Variants in NSMCE2 observed in about 807,000 individuals in gnomAD.
The protein encoded by NSMCE2 is E3 SUMO-protein ligase NSE2.
A neutral mutation model predicts 23.8 loss-of-function variants in NSMCE2; 24 were observed. That is an observed-to-expected ratio of 1.01 (90% CI 0.73 to 1.42). The LOEUF (loss-of-function observed/expected upper bound fraction) is 1.42, where lower values mean the gene tolerates loss of function less well. Among genes scored for constraint, NSMCE2 ranks in the 40% most tolerant of loss-of-function variants. The pLI is 0.00. For synonymous variants in NSMCE2, 92 were observed against 94.1 expected, an observed-to-expected ratio of 0.98 and a Z score of 0.13; for missense variants, 284 against 296.5, an observed-to-expected ratio of 0.96 and a Z score of 0.31.
At chr8:125,270,412 C>T (rs532468270) in intron 5 of NSMCE2, among the ~76,000 whole-genome samples, 2 of 152,230 alleles carry the variant, frequency 1.3e-5, no homozygotes, top group South Asian at 4.2e-4. Flanking sequence ...TTGCAGTGAG[C>T]CGAGATCGCA....
chr8:125,156,783 A>G (rs1274581419), intron 4 of NSMCE2, among the ~76,000 whole-genome samples: 1 of 152,188 alleles, frequency 6.6e-6, no homozygotes, highest in African/African-American at 2.4e-5. Flanking sequence ...CAGCTCTCTC[A>G]TTATGCAACT....
intron 5 of NSMCE2, among the ~76,000 whole-genome samples, chr8:125,320,235 GGGAGGGAGGGAGGGAGGGAAGGAA>G (rs1563782549): frequency 1.2e-3 from 41 of 32,892 alleles, no homozygotes; most frequent in African/African-American, 2.4e-3. Flanking sequence ...AGGGAGGGAA[GGGAGGGAGGGAGGGAGGGAAGGAA>G]GGAAGGAAGG....
chr8:125,212,090 C>T (rs1234610594), intron 5 of NSMCE2, among the ~76,000 whole-genome samples: 1 of 152,130 alleles, frequency 6.6e-6, no homozygotes, highest in Non-Finnish European at 1.5e-5. Context: ...CCATTGCTTC[C>T]TAAATATTTT....
intron 5 of NSMCE2, among the ~76,000 whole-genome samples, chr8:125,219,232 G>T (rs1824736678): frequency 6.6e-6 from 1 of 152,148 alleles, no homozygotes; most frequent in South Asian, 2.1e-4. Context: ...TACTTTCAGT[G>T]TTCCAAAGCC....
intron 7 of NSMCE2, among the ~76,000 whole-genome samples, 173 bp from the exon 8 acceptor site, chr8:125,366,595 A>C (rs1323164819): frequency 6.6e-6 from 1 of 152,200 alleles, no homozygotes; most frequent in Non-Finnish European, 1.5e-5. Context: ...CAGCACCCAG[A>C]CAGGGCCTGG....
intron 5 of NSMCE2, among the ~76,000 whole-genome samples, chr8:125,220,729 G>T (rs1824817713): frequency 6.6e-6 from 1 of 151,606 alleles, no homozygotes. Context: ...ACACCCAAAA[G>T]CCCTTTCAGA....
Position 125,210,427 on chromosome 8 carries a change from C to T in NSMCE2, c.418+28171C>T, listed in dbSNP as rs1339625742. Among the ~76,000 whole-genome samples, 8 of 152,280 alleles carry T rather than the reference C, an allele frequency of 5.3e-5. No homozygotes were observed. In the East Asian group the frequency reaches 1.5e-3, roughly 29 times the overall value. On this transcript the variant is annotated intron_variant, in intron 5 of 7. Transcript: ENST00000287437. ...CTCATTGAGGGTGATGACTGAATCT[C>T]ATCAATTTTTATGTCCTCAGCAGCT...
At chr8:125,178,094 C>CT (rs1246991782) in intron 4 of NSMCE2, among the ~76,000 whole-genome samples, 2 of 152,148 alleles carry the variant, frequency 1.3e-5, no homozygotes, top group Non-Finnish European at 2.9e-5. Context: ...AGCAACTGCC[C>CT]TCTCCCTCCC....
intron 4 of NSMCE2, among the ~76,000 whole-genome samples, chr8:125,156,464 G>GT (rs1400103303): frequency 6.6e-6 from 1 of 151,930 alleles, no homozygotes; most frequent in Admixed American, 6.6e-5. Flanking sequence ...CTACATATTT[G>GT]TTTTTTTAAG....
intron 4 of NSMCE2, among the ~76,000 whole-genome samples, 199 bp from the exon 5 acceptor site, chr8:125,181,904 G>A (rs975143681): frequency 6.6e-6 from 1 of 152,140 alleles, no homozygotes; most frequent in Admixed American, 6.5e-5. Context: ...TGAGTAGTTG[G>A]CATGAATGAG....
intron 5 of NSMCE2, among the ~76,000 whole-genome samples, chr8:125,318,354 G>A (rs1304126034): frequency 6.6e-6 from 1 of 152,158 alleles, no homozygotes; most frequent in Non-Finnish European, 1.5e-5. Context: ...GGTAAGCCAA[G>A]ATCGCGCCAC....
At chr8:125,140,664 T>C (rs546132995) in intron 3 of NSMCE2, among the ~76,000 whole-genome samples, 2 of 151,846 alleles carry the variant, frequency 1.3e-5, no homozygotes, top group South Asian at 2.1e-4. Context: ...AAAAAACATA[T>C]GAGATTTAAG....
intron 5 of NSMCE2, among the ~76,000 whole-genome samples, chr8:125,238,582 T>G (rs1825648260): frequency 6.6e-6 from 1 of 152,196 alleles, no homozygotes. Flanking sequence ...TTTTTTTCCT[T>G]TCTTTCCTGT....
At chr8:125,220,223 A>G (rs532957454) in intron 5 of NSMCE2, among the ~76,000 whole-genome samples, 1 of 152,164 alleles carries the variant, frequency 6.6e-6, no homozygotes, top group South Asian at 2.1e-4. Context: ...CTAAAACTAT[A>G]TATATGAGGA....
At chr8:125,176,925 C>T (rs567306248) in intron 4 of NSMCE2, among the ~76,000 whole-genome samples, 2 of 152,318 alleles carry the variant, frequency 1.3e-5, no homozygotes, top group East Asian at 3.9e-4. Flanking sequence ...TGAGTTTCCT[C>T]ATATCCTTGC....
chr8:125,127,763 G>A (rs1819582665), intron 3 of NSMCE2, among the ~76,000 whole-genome samples: 1 of 152,140 alleles, frequency 6.6e-6, no homozygotes, highest in African/African-American at 2.4e-5. Context: ...TTTGGGACCA[G>A]AAGTGTTTCA....
At chr8:125,242,347 T>A (rs952348175) in intron 5 of NSMCE2, among the ~76,000 whole-genome samples, 2 of 151,974 alleles carry the variant, frequency 1.3e-5, no homozygotes, top group Non-Finnish European at 2.9e-5. Context: ...GAAGGGCATA[T>A]TGGATGGGCT....
chr8:125,139,911 A>T (rs931746672), intron 3 of NSMCE2, among the ~76,000 whole-genome samples: 1 of 152,244 alleles, frequency 6.6e-6, no homozygotes, highest in Non-Finnish European at 1.5e-5. Flanking sequence ...TTTCATCGTG[A>T]AACTTCCTGG....
intron 4 of NSMCE2, among the ~76,000 whole-genome samples, chr8:125,180,000 T>C (rs146818088): frequency 3.3e-5 from 5 of 152,352 alleles, no homozygotes; most frequent in South Asian, 4.1e-4. Context: ...ATTAACATCT[T>C]AGGTGGATGT....
Sources: gnomAD v4.1 joint callset for allele counts (sites outside exome capture counted in the v4.1 genomes callset) on GRCh38, gnomAD v4.1.1 for gene constraint, MANE v1.5 for transcripts, NCBI Gene and HGNC (gene_info 2026-07-23, HGNC 2026-07-21) for gene names.